Variants in SLC38A4 observed in about 807,000 individuals in gnomAD.
The protein encoded by SLC38A4 is solute carrier family 38 member 4.
In SLC38A4, 20 loss-of-function variants were observed where a neutral mutation model predicts 63.1. That is an observed-to-expected ratio of 0.32 (90% CI 0.22 to 0.46). The LOEUF (loss-of-function observed/expected upper bound fraction) is 0.46. Among genes scored for constraint, SLC38A4 ranks in the 20% least tolerant of loss-of-function variants. SLC38A4 has a pLI of 1.00. For synonymous variants in SLC38A4, 230 were observed against 225.5 expected, an observed-to-expected ratio of 1.02 and a Z score of -0.18; for missense variants, 526 against 663.6, an observed-to-expected ratio of 0.79 and a Z score of 2.28.
At chr12:46,811,880 A>G (rs1187582386) in intron 1 of SLC38A4, among the ~76,000 whole-genome samples, 3 of 151,886 alleles carry the variant, frequency 2.0e-5, no homozygotes, top group Non-Finnish European at 4.4e-5. Flanking sequence ...TATGTCAAAA[A>G]AAAAGCTAAT....
intron 7 of SLC38A4, 22 bp from the exon 8 acceptor site, chr12:46,780,052 C>A: frequency 6.4e-7 from 1 of 1,572,832 alleles, no homozygotes; most frequent in Non-Finnish European, 8.7e-7. Flanking sequence ...AATGTGACAG[C>A]TTAATGGTGT....
At chr12:46,785,002 T>C in intron 6 of SLC38A4, 102 bp downstream of exon 6, 1 of 1,018,610 alleles carries the variant, frequency 9.8e-7, no homozygotes, top group African/African-American at 1.6e-5. Context: ...GAAAATGAAA[T>C]GTGAAACTGA....
intron 2 of SLC38A4, among the ~76,000 whole-genome samples, chr12:46,800,707 G>A (rs1458078707): frequency 6.6e-6 from 1 of 151,990 alleles, no homozygotes; most frequent in Non-Finnish European, 1.5e-5. Flanking sequence ...AACTGTCTTA[G>A]GCAGAAGCTT....
rs1052408291 is a variant in SLC38A4, at chr12:46,825,968, T to G, written c.-370A>C. On this transcript the variant is annotated 5_prime_UTR_variant, in exon 1 of 17. Coordinates refer to ENST00000266579, the MANE Select transcript of SLC38A4 (RefSeq NM_018018.5). The stretch of plus-strand genomic sequence containing the variant: ...TCCTCCGTGCACGCCACCACCCGGC[T>G]CATGCTCCAGGCGCTGCGCACACCC... 1.3e-5 allele frequency: 2 copies of G among 152,328 alleles called. No individual in the cohort carries two copies. Among genetic ancestry groups the G allele is most frequent in the South Asian group, 4.1e-4 (2 of 4,838 alleles). 9.4% of individuals were successfully genotyped at this position (152,328 alleles called of 1,614,324 possible).
In SLC38A4 at chr12:46,766,453, C is replaced by T. The variant is rs541287593; in HGVS notation, c.*248G>A. ...CAGCAAAAATACACCTTCATCATCT[C>T]ACACTGCTCTAGCAAAACCTGGGTA... On this transcript the variant is annotated 3_prime_UTR_variant, in exon 17 of 17. Coordinates refer to ENST00000266579, the MANE Select transcript of SLC38A4 (RefSeq NM_018018.5). The T allele has an allele frequency of 1.0e-4, 60 of 602,186 alleles. No homozygotes were observed. In the African/African-American group the frequency reaches 1.1e-3, roughly 11 times the overall value. The allele number at this position is 602,186 out of a possible 1,614,324, so 37.3% of individuals were successfully genotyped here. A position where few individuals can be genotyped will look rare whatever the true frequency, so the allele number is the denominator to read the frequency against.
At chr12:46,769,560 T>C in intron 14 of SLC38A4, 132 bp from the exon 15 acceptor site, 3 of 969,038 alleles carry the variant, frequency 3.1e-6, no homozygotes, top group South Asian at 3.5e-5. Context: ...GATGCTTTTT[T>C]CAATTTTTTT....
At chr12:46,802,939 T>C (rs898538745) in intron 2 of SLC38A4, among the ~76,000 whole-genome samples, 1 of 152,078 alleles carries the variant, frequency 6.6e-6, no homozygotes, top group African/African-American at 2.4e-5. Flanking sequence ...TAATTGACTC[T>C]ACTCCTTCAA....
chr12:46,769,498 T>G, intron 14 of SLC38A4, 70 bp from the exon 15 acceptor site: 1 of 1,512,844 alleles, frequency 6.6e-7, no homozygotes, highest in Non-Finnish European at 9.0e-7. Flanking sequence ...TCAAATATTC[T>G]CATCACTCTA....
chr12:46,826,294 G>A (rs1056611787), upstream of SLC38A4, among the ~76,000 whole-genome samples: 3 of 152,150 alleles, frequency 2.0e-5, no homozygotes, highest in African/African-American at 7.2e-5. Context: ...AACACAGGGT[G>A]GGTAGAAAGA....
At chr12:46,777,762 A>T (rs1269012897) in intron 12 of SLC38A4, among the ~76,000 whole-genome samples, 1 of 152,044 alleles carries the variant, frequency 6.6e-6, no homozygotes, top group Non-Finnish European at 1.5e-5. Flanking sequence ...TGAACCATAG[A>T]CCATCAGCTG....
At chr12:46,774,290 AT>A (rs1029341838) in intron 14 of SLC38A4, among the ~76,000 whole-genome samples, 4 of 152,120 alleles carry the variant, frequency 2.6e-5, no homozygotes, top group African/African-American at 7.2e-5. Context: ...TGTGTCACTT[AT>A]TTTTTTCCCC....
intron 6 of SLC38A4, 22 bp downstream of exon 6, chr12:46,785,082 T>C (rs369071161): frequency 2.6e-6 from 4 of 1,562,474 alleles, no homozygotes; most frequent in Non-Finnish European, 2.6e-6. Flanking sequence ...ATAGAATGTG[T>C]TGGACTCAAG....
At chr12:46,820,712 T>A (rs1939526665) in intron 1 of SLC38A4, among the ~76,000 whole-genome samples, 1 of 152,016 alleles carries the variant, frequency 6.6e-6, no homozygotes, top group Non-Finnish European at 1.5e-5. Flanking sequence ...GATTGTAGGA[T>A]CATATAGTAG....
intron 14 of SLC38A4, among the ~76,000 whole-genome samples, chr12:46,771,197 A>C (rs1592174127): frequency 6.6e-6 from 1 of 152,170 alleles, no homozygotes; most frequent in South Asian, 2.1e-4. Flanking sequence ...ATAATTCTAC[A>C]TTATGATCTG....
intron 1 of SLC38A4, among the ~76,000 whole-genome samples, chr12:46,807,826 T>C (rs748918425): frequency 6.6e-6 from 1 of 151,714 alleles, no homozygotes; most frequent in Non-Finnish European, 1.5e-5. Context: ...CATGGTTCTG[T>C]AATTATTAAC....
At position 46,778,269 on chromosome 12, in the gene SLC38A4, T is replaced by TA; in HGVS notation, c.1073+19dup. The TA allele has an allele frequency of 6.2e-7, 1 of 1,610,198 alleles. No homozygotes were observed. Among genetic ancestry groups the TA allele is most frequent in the Non-Finnish European group, 8.5e-7 (1 of 1,177,484 alleles). On this transcript the variant is annotated intron_variant, in intron 12 of 16. Transcript: ENST00000266579. ...AGAATTTCAAAGCAAATTAGAATGC[T>TA]AAAATGATGGCTGCCTTACTCTTTA... is the stretch of plus-strand genomic sequence containing the variant.
chr12:46,771,449 T>C (rs1464350125), intron 14 of SLC38A4, among the ~76,000 whole-genome samples: 3 of 152,152 alleles, frequency 2.0e-5, no homozygotes, highest in South Asian at 2.1e-4. Context: ...CAGTCCTATA[T>C]GTCCAGGGCC....
Position 46,766,368 on chromosome 12 carries a change from A to C in SLC38A4, c.*333T>G, listed in dbSNP as rs1336540537. On this transcript the variant is annotated 3_prime_UTR_variant, in exon 17 of 17. Coordinates refer to ENST00000266579, the MANE Select transcript of SLC38A4 (RefSeq NM_018018.5). ...AGGGGGTGCAGGATGAGGAGACGGC[A>C]GGGGAAAGAGTACTATCTGATGATT... 2.1e-6 allele frequency: 1 copy of C among 470,426 alleles called. No homozygotes were observed. Among genetic ancestry groups the C allele is most frequent in the Non-Finnish European group, 4.2e-6 (1 of 236,632 alleles). The allele number at this position is 470,426 out of a possible 1,614,324, so 29.1% of individuals were successfully genotyped here. A position where few individuals can be genotyped will look rare whatever the true frequency, so the allele number is the denominator to read the frequency against.
intron 14 of SLC38A4, among the ~76,000 whole-genome samples, chr12:46,772,517 T>G (rs1938440336): frequency 6.6e-6 from 1 of 152,072 alleles, no homozygotes; most frequent in African/African-American, 2.4e-5. Flanking sequence ...TGATCAGTCC[T>G]CTGGAAGGAG....
Sources: allele counts gnomAD v4.1 joint callset (sites outside exome capture counted in the v4.1 genomes callset), GRCh38; gene constraint gnomAD v4.1.1; transcripts MANE v1.5; gene names NCBI Gene and HGNC (gene_info 2026-07-23, HGNC 2026-07-21).